The following USH2A variants were observed in gnomAD, a reference collection of about 807,000 sequenced individuals.
The protein encoded by USH2A is usherin.
In USH2A, 443 loss-of-function variants were observed where a neutral mutation model predicts 538.9. That is an observed-to-expected ratio of 0.82 (90% CI 0.76 to 0.89). USH2A has a LOEUF of 0.89. Ranked by LOEUF, USH2A falls within the 40% of genes least tolerant of loss-of-function variation. The probability of loss-of-function intolerance (pLI) is 0.00; values close to 1 mark genes in which losing one functional copy is unlikely to be tolerated. For synonymous variants in USH2A, 2,413 were observed against 2,273.5 expected, an observed-to-expected ratio of 1.06 and a Z score of -1.75; for missense variants, 6,633 against 6,324.8, an observed-to-expected ratio of 1.05 and a Z score of -1.65.
At chr1:215,839,661 G>A (rs1057376005) in intron 46 of USH2A, among the ~76,000 whole-genome samples, 1 of 152,094 alleles carries the variant, frequency 6.6e-6, no homozygotes, top group Non-Finnish European at 1.5e-5. Flanking sequence ...AGAGAAATGT[G>A]CCAATATGTT....
At position 215,642,390 on chromosome 1, in the gene USH2A, G is replaced by A. The variant is rs537325452; in HGVS notation, c.14792-1656C>T. On this transcript the variant is annotated intron_variant, in intron 67 of 71. Coordinates refer to ENST00000307340, the MANE Select transcript of USH2A (RefSeq NM_206933.4). ...GCTGAACCTAGGCTTGCTTAAATAA[G>A]GCCCATGCTACTTTGTTATCATCGG... is the stretch of plus-strand genomic sequence containing the variant. Among the ~76,000 whole-genome samples the A allele has an allele frequency of 2.0e-5, 3 of 152,190 alleles. No homozygotes were observed. The South Asian group carries it at 6.2e-4, about 32-fold the overall frequency.
At position 215,674,180 on chromosome 1, in the gene USH2A, A is replaced by T; in HGVS notation, c.13731T>A (p.Thr4577=). The T allele has an allele frequency of 6.2e-7, 1 of 1,614,088 alleles. No homozygotes were observed. The highest frequency in any genetic ancestry group is 8.5e-7 in the Non-Finnish European group (1 of 1,180,006). ...LFIRELFERE[T]KIIHINTTHN... ...GAGTTGTGTTTATGTGTATGATTTTAGTTTCTCTTTCAAATAGTTCACGGA... is the reference window on the plus strand; with the variant it reads ...GAGTTGTGTTTATGTGTATGATTTTTGTTTCTCTTTCAAATAGTTCACGGA... Residue 4577 remains threonine (T), a synonymous_variant, in exon 63 of 72, where the codon ACT becomes ACA. Transcript: ENST00000307340.
intron 4 of USH2A, among the ~76,000 whole-genome samples, chr1:216,354,178 T>A (rs150665511): frequency 2.6e-3 from 393 of 152,184 alleles, no homozygotes; most frequent in Non-Finnish European, 3.7e-3. Flanking sequence ...CAACTTCAAG[T>A]CAGTTTGGTA....
chr1:215,759,579 C>T, intron 57 of USH2A, 81 bp downstream of exon 57: 2 of 1,551,926 alleles, frequency 1.3e-6, no homozygotes, highest in Non-Finnish European at 1.8e-6. Context: ...TAACAACTTT[C>T]AGTGGGACAT....
chr1:216,146,744 C>T (rs376321487), intron 21 of USH2A, among the ~76,000 whole-genome samples: 187 of 152,130 alleles, frequency 1.2e-3, no homozygotes, highest in African/African-American at 4.4e-3. Context: ...GCAAGAACCC[C>T]ACTCCCCTCC....
chr1:216,015,911 C>A (rs894826029), intron 32 of USH2A, among the ~76,000 whole-genome samples: 26 of 152,188 alleles, frequency 1.7e-4, no homozygotes, highest in African/African-American at 6.0e-4. Flanking sequence ...TATTGCCGCA[C>A]TATTCACAAT....
rs775075026 is a variant in USH2A, at chr1:216,324,169, T to G, written c.1327A>C (p.Asn443His). Residue 443 changes from asparagine (N) to histidine (H), a missense_variant and splice_region_variant, in exon 7 of 72, where the codon AAT (asparagine) becomes CAT (histidine). Asn to His is a moderately conservative substitution (Grantham distance 68). Coordinates refer to ENST00000307340, the MANE Select transcript of USH2A (RefSeq NM_206933.4). ...PDSVNCLQLSNFTPYSRGNVT... is the reference protein window; with the variant it reads ...PDSVNCLQLSHFTPYSRGNVT... ...TTAATTGTTTAAAAATATTCATACT[T>G]GGAAAGCTGAAGACAGTTGACAGAA... is the stretch of plus-strand genomic sequence containing the variant. The G allele has an allele frequency of 3.1e-6, 5 of 1,612,708 alleles. No homozygotes were observed. Among genetic ancestry groups the G allele is most frequent in the Middle Eastern group, 1.6e-4 (1 of 6,072 alleles).
At chr1:216,196,468 T>C in intron 19 of USH2A, 85 bp downstream of exon 19, 1 of 1,491,674 alleles carries the variant, frequency 6.7e-7, no homozygotes, top group African/African-American at 1.4e-5. Context: ...GGGAGAATTC[T>C]GTCACAGAAT....
chr1:216,303,256 C>A (rs1204406728), intron 9 of USH2A, among the ~76,000 whole-genome samples: 1 of 151,838 alleles, frequency 6.6e-6, no homozygotes, highest in Non-Finnish European at 1.5e-5. Flanking sequence ...AATAATTTAA[C>A]CCTATTGATA....
At chr1:215,935,223 C>T (rs1355503348) in intron 37 of USH2A, among the ~76,000 whole-genome samples, 3 of 151,732 alleles carry the variant, frequency 2.0e-5, no homozygotes, top group Admixed American at 2.0e-4. Context: ...ACACATTATT[C>T]CTCAAATAGA....
intron 45 of USH2A, among the ~76,000 whole-genome samples, chr1:215,844,876 T>A (rs1049550545): frequency 1.3e-5 from 2 of 152,116 alleles, no homozygotes; most frequent in Non-Finnish European, 2.9e-5. Flanking sequence ...ATTTGCTCCT[T>A]GAGCAAAAAA....
intron 3 of USH2A, among the ~76,000 whole-genome samples, chr1:216,403,542 C>T (rs1274549132): frequency 1.3e-5 from 2 of 152,076 alleles, no homozygotes; most frequent in Non-Finnish European, 2.9e-5. Context: ...TAAAGAATTT[C>T]CAGAACTACT....
chr1:216,317,719 G>T (rs957724949), intron 9 of USH2A, among the ~76,000 whole-genome samples: 2 of 151,944 alleles, frequency 1.3e-5, no homozygotes, highest in African/African-American at 2.4e-5. Flanking sequence ...CGCGTGTGGT[G>T]GTGTGCAGCT....
At chr1:216,389,594 T>C (rs2039065918) in intron 3 of USH2A, among the ~76,000 whole-genome samples, 1 of 152,172 alleles carries the variant, frequency 6.6e-6, no homozygotes, top group African/African-American at 2.4e-5. Flanking sequence ...ATAACCTGCT[T>C]TCTTTCCCTC....
chr1:216,279,900 G>A (rs6699766), intron 11 of USH2A, among the ~76,000 whole-genome samples: 7,200 of 152,094 alleles, frequency 0.047, 540 homozygotes, highest in African/African-American at 0.16. Flanking sequence ...ACCTGTGGAG[G>A]TGGCTATAGC....
Position 216,381,821 on chromosome 1 carries a change from A to G in USH2A, c.652-16736T>C, listed in dbSNP as rs2038927782. ...TCCAGGATCCAGGCATAAATAACCA[A>G]AATCTAATCATACCCAAGTCTCGCA... is the stretch of plus-strand genomic sequence containing the variant. On this transcript the variant is annotated intron_variant, in intron 3 of 71. Coordinates refer to ENST00000307340, the MANE Select transcript of USH2A (RefSeq NM_206933.4). Among the ~76,000 whole-genome samples the G allele has an allele frequency of 2.6e-5, 4 of 152,322 alleles. No homozygotes were observed. The South Asian group carries it at 8.3e-4, about 32-fold the overall frequency.
At chr1:216,348,174 T>A (rs2038214649) in intron 4 of USH2A, among the ~76,000 whole-genome samples, 1 of 152,164 alleles carries the variant, frequency 6.6e-6, no homozygotes, top group Non-Finnish European at 1.5e-5. Flanking sequence ...AAACTATTTG[T>A]GAGTATTCTT....
At chr1:216,402,228 T>C (rs912263771) in intron 3 of USH2A, among the ~76,000 whole-genome samples, 9 of 152,132 alleles carry the variant, frequency 5.9e-5, no homozygotes, top group African/African-American at 2.2e-4. Flanking sequence ...TTGAAAATGA[T>C]TCAAATTTGA....
intron 58 of USH2A, among the ~76,000 whole-genome samples, 197 bp downstream of exon 58, chr1:215,758,398 C>A (rs886565274): frequency 6.6e-6 from 1 of 152,016 alleles, no homozygotes; most frequent in African/African-American, 2.4e-5. Context: ...CATCTAGATA[C>A]CTATATCTCT....
Sources: gnomAD v4.1 joint callset for allele counts (sites outside exome capture counted in the v4.1 genomes callset) on GRCh38, gnomAD v4.1.1 for gene constraint, MANE v1.5 for transcripts, NCBI Gene and HGNC (gene_info 2026-07-23, HGNC 2026-07-21) for gene names.